Variants in ERBB4 observed in about 807,000 individuals in gnomAD.
ERBB4 encodes the protein erb-b2 receptor tyrosine kinase 4, also known as receptor tyrosine-protein kinase erbB-4.
A neutral mutation model predicts 158.0 loss-of-function variants in ERBB4; 42 were observed. That is an observed-to-expected ratio of 0.27 (90% CI 0.21 to 0.34). The LOEUF is 0.34. ERBB4 is among the 10% of genes least tolerant of loss of function. The pLI, the probability that ERBB4 is intolerant of heterozygous loss-of-function variation, is 1.00. For missense variants in ERBB4, 1,333 were observed against 1,624.1 expected (o/e 0.82, Z 3.08); for synonymous variants, 583 against 558.7 (o/e 1.04, Z -0.61).
chr2:211,653,779 A>T (rs1289417001), intron 16 of ERBB4, among the ~76,000 whole-genome samples: 4 of 151,898 alleles, frequency 2.6e-5, no homozygotes, highest in Non-Finnish European at 1.5e-5. Flanking sequence ...GGTTCAAGAG[A>T]TTCTCCTGCC....
Position 211,378,803 on chromosome 2 carries a change from C to A in ERBB4, c.*4812G>T. The stretch of plus-strand genomic sequence containing the variant: ...GGCAAGGCTGTCCTTCAAACTGATA[C>A]ACACCGAAGTCCATGTACACAAACA... On this transcript the variant is annotated 3_prime_UTR_variant, in exon 28 of 28. Transcript: ENST00000342788. 4.3e-6 allele frequency: 1 copy of A among 232,640 alleles called. No individual in the cohort carries two copies. Among genetic ancestry groups the A allele is most frequent in the Non-Finnish European group, 8.5e-6 (1 of 117,554 alleles). The allele number at this position is 232,640 out of a possible 1,614,324, so 14.4% of individuals were successfully genotyped here.
chr2:211,809,215 G>T (rs548889258), intron 3 of ERBB4, among the ~76,000 whole-genome samples: 40 of 152,272 alleles, frequency 2.6e-4, no homozygotes, highest in African/African-American at 9.1e-4. Context: ...AAATGAATTA[G>T]GGAGGATTCC....
At chr2:212,205,517 T>G (rs1205708199) in intron 1 of ERBB4, among the ~76,000 whole-genome samples, 2 of 152,134 alleles carry the variant, frequency 1.3e-5, no homozygotes, top group Non-Finnish European at 2.9e-5. Flanking sequence ...TTAAAGAAAA[T>G]TATACTTTAA....
At chr2:211,402,770 G>A (rs1032894033) in intron 25 of ERBB4, among the ~76,000 whole-genome samples, 1 of 151,900 alleles carries the variant, frequency 6.6e-6, no homozygotes, top group Non-Finnish European at 1.5e-5. Context: ...GAAAAGAGGA[G>A]GTACAATAAA....
At chr2:212,273,526 C>T (rs1318818766) in intron 1 of ERBB4, among the ~76,000 whole-genome samples, 1 of 151,776 alleles carries the variant, frequency 6.6e-6, no homozygotes, top group Non-Finnish European at 1.5e-5. Context: ...TGGTTTACAT[C>T]CTTCCAAGGT....
chr2:211,994,923 G>C (rs1004889280), intron 2 of ERBB4, among the ~76,000 whole-genome samples: 2 of 152,152 alleles, frequency 1.3e-5, no homozygotes, highest in African/African-American at 4.8e-5. Flanking sequence ...TAAAATTATA[G>C]AGCCTAGGAT....
At chr2:211,399,857 T>G (rs1441012665) in intron 25 of ERBB4, among the ~76,000 whole-genome samples, 2 of 152,108 alleles carry the variant, frequency 1.3e-5, no homozygotes, top group Non-Finnish European at 2.9e-5. Context: ...AGACAGACCT[T>G]GTAGATAAAC....
chr2:212,265,763 T>G (rs759031216), intron 1 of ERBB4, among the ~76,000 whole-genome samples: 12 of 152,122 alleles, frequency 7.9e-5, no homozygotes, highest in Non-Finnish European at 1.6e-4. Flanking sequence ...ACCAACAGAC[T>G]GTGTCTAATC....
chr2:211,386,877 G>C lies in ERBB4; in HGVS notation c.3457C>G (p.Pro1153Ala). The change falls in exon 27 of 28, where the codon CCT becomes GCT. Residue 1153 changes from proline (P) to alanine (A), a missense_variant. Physicochemically the swap from Pro to Ala is conservative, Grantham distance 27. Around this residue, in one of 5 missense-constraint regions of ERBB4, gnomAD observed 252 missense variants for 241.3 expected, o/e 1.04. Transcript: ENST00000342788. Reference protein sequence around the residue: ...GELDEEGYMTPMRDKPKQEYL... With the variant: ...GELDEEGYMTAMRDKPKQEYL... ...CCTTGTTTGGGTTTGTCTCGCATAG[G>C]AGTCATGTAACCTTCCTCATCCAGC... 1 of 1,614,148 alleles carries C rather than the reference G, an allele frequency of 6.2e-7. No homozygotes were observed. Among genetic ancestry groups the C allele is most frequent in the Non-Finnish European group, 8.5e-7 (1 of 1,180,024 alleles).
intron 9 of ERBB4, among the ~76,000 whole-genome samples, chr2:211,707,866 A>T (rs2106061854): frequency 6.6e-6 from 1 of 152,162 alleles, no homozygotes; most frequent in South Asian, 2.1e-4. Context: ...TATTTTGTGG[A>T]GAAACTTGTT....
intron 3 of ERBB4, among the ~76,000 whole-genome samples, chr2:211,797,615 A>C (rs1193629062): frequency 1.3e-5 from 2 of 151,972 alleles, no homozygotes; most frequent in African/African-American, 4.8e-5. Context: ...GATTTTTAAA[A>C]GGCTATATTT....
chr2:212,338,431 T>C (rs1401583406), intron 1 of ERBB4, among the ~76,000 whole-genome samples: 1 of 152,100 alleles, frequency 6.6e-6, no homozygotes, highest in African/African-American at 2.4e-5. Flanking sequence ...GCTGTTTTAA[T>C]TATCCATATT....
At chr2:211,681,834 C>T (rs35762488) in intron 12 of ERBB4, among the ~76,000 whole-genome samples, 131,943 of 152,044 alleles carry the variant, frequency 0.87, 57,368 homozygotes, top group East Asian at 0.91. Context: ...ATTTTGATAA[C>T]TTATCAACCT....
intron 25 of ERBB4, among the ~76,000 whole-genome samples, chr2:211,418,194 A>G (rs2063435918): frequency 6.6e-6 from 1 of 152,070 alleles, no homozygotes; most frequent in Admixed American, 6.6e-5. Context: ...CAAACTTAAA[A>G]TGGTAGTAAT....
chr2:212,127,659 G>A (rs927244654), intron 1 of ERBB4, among the ~76,000 whole-genome samples: 7 of 152,100 alleles, frequency 4.6e-5, no homozygotes, highest in Non-Finnish European at 1.5e-5. Context: ...TGTATTTTAC[G>A]TGCAACCCAA....
chr2:211,786,542 A>T (rs1269372303), intron 4 of ERBB4, among the ~76,000 whole-genome samples: 1 of 152,150 alleles, frequency 6.6e-6, no homozygotes, highest in Non-Finnish European at 1.5e-5. Context: ...CAACCATCCA[A>T]ATTTGTCTTC....
chr2:211,990,655 A>G (rs754212141), intron 2 of ERBB4, among the ~76,000 whole-genome samples: 3 of 152,050 alleles, frequency 2.0e-5, no homozygotes, highest in Non-Finnish European at 4.4e-5. Flanking sequence ...GAAGCTAACA[A>G]ATAAATTTAG....
chr2:211,745,809 A>G (rs1311601947), intron 5 of ERBB4, among the ~76,000 whole-genome samples: 1 of 151,648 alleles, frequency 6.6e-6, no homozygotes, highest in Non-Finnish European at 1.5e-5. Flanking sequence ...AGATGAAGTC[A>G]TTTTCCCATG....
At chr2:211,824,036 G>C (rs913549861) in intron 3 of ERBB4, among the ~76,000 whole-genome samples, 2 of 152,028 alleles carry the variant, frequency 1.3e-5, no homozygotes, top group African/African-American at 4.8e-5. Context: ...CCCCGACTCT[G>C]TCCAGGCTTG....
Sources: allele counts gnomAD v4.1 joint callset (sites outside exome capture counted in the v4.1 genomes callset), GRCh38; gene constraint gnomAD v4.1.1; regional missense constraint gnomAD v4.1.1; transcripts MANE v1.5; gene names NCBI Gene and HGNC (gene_info 2026-07-23, HGNC 2026-07-21).